Variants in CYREN observed in about 807,000 individuals in gnomAD.
CYREN encodes the protein cell cycle regulator of NHEJ, also known as cell cycle regulator of non-homologous end joining.
CYREN carries 7 observed loss-of-function variants against 9.7 expected under a neutral mutation model. That is an observed-to-expected ratio of 0.72 (90% CI 0.41 to 1.36). The LOEUF (loss-of-function observed/expected upper bound fraction) is 1.36, where lower values mean the gene tolerates loss of function less well. Among genes scored for constraint, CYREN ranks in the 40% most tolerant of loss-of-function variants. The probability of loss-of-function intolerance (pLI) is 0.01; values close to 1 mark genes in which losing one functional copy is unlikely to be tolerated. For synonymous variants in CYREN, 76 were observed against 77.9 expected, an observed-to-expected ratio of 0.98 and a Z score of 0.13; for missense variants, 215 against 198.1, an observed-to-expected ratio of 1.09 and a Z score of -0.51.
At chr7:135,141,555 G>A (rs773981267) in intron 2 of CYREN, among the ~76,000 whole-genome samples, 1 of 151,930 alleles carries the variant, frequency 6.6e-6, no homozygotes, top group African/African-American at 2.4e-5. Flanking sequence ...GTTTCATTCA[G>A]TTCAGCTCTG....
chr7:135,171,325 T>TG (rs1464855573), upstream of CYREN, among the ~76,000 whole-genome samples: 1 of 14,994 alleles, frequency 6.7e-5, no homozygotes, highest in Non-Finnish European at 6.5e-4. Flanking sequence ...TTTTTTTTTT[T>TG]TAAAAAAAAA....
At chr7:135,167,047 C>G (rs1026204704) in intron 3 of CYREN, 176 bp from the exon 4 acceptor site, 28 of 985,070 alleles carry the variant, frequency 2.8e-5, no homozygotes, top group Middle Eastern at 1.0e-3. Context: ...TTCCCCTGAC[C>G]CCCTCTTCAC....
chr7:135,098,641 G>A (rs1400360373), intron 2 of CYREN, among the ~76,000 whole-genome samples: 1 of 152,148 alleles, frequency 6.6e-6, no homozygotes, highest in Non-Finnish European at 1.5e-5. Flanking sequence ...GATAAGAGCA[G>A]ATCTGAAAGT....
chr7:135,095,769 A>C (rs1261419715), intron 2 of CYREN, among the ~76,000 whole-genome samples: 1 of 152,160 alleles, frequency 6.6e-6, no homozygotes, highest in African/African-American at 2.4e-5. Context: ...TTTGCTGCTC[A>C]CAATAATGGA....
rs1357964216 is a variant in CYREN at position 135,169,082 on chromosome 7, G to A, written c.-138-22C>T. On this transcript the variant is annotated intron_variant, in intron 1 of 3. Coordinates refer to ENST00000393114, the MANE Select transcript of CYREN (RefSeq NM_024033.4). The stretch of plus-strand genomic sequence containing the variant: ...ATTCCTACAAAGAACAATAAAGTCC[G>A]GTGAATTCCCATACCTCCAGTCATC... 7 of 710,608 alleles carry A rather than the reference G, an allele frequency of 9.9e-6. No individual in the cohort carries two copies. The East Asian group carries it at 2.0e-4, about 21-fold the overall frequency. The allele number at this position is 710,608 out of a possible 1,614,324, so 44.0% of individuals were successfully genotyped here.
chr7:135,094,485 T>A, exon 3 of CYREN: 1 of 456,724 alleles, frequency 2.2e-6, no homozygotes, highest in Non-Finnish European at 4.4e-6. Context: ...GAGAAACTCC[T>A]GGTGGCCATA....
At chr7:135,146,844 G>A (rs897932546) in intron 2 of CYREN, among the ~76,000 whole-genome samples, 1 of 152,140 alleles carries the variant, frequency 6.6e-6, no homozygotes, top group Admixed American at 6.5e-5. Context: ...TGGGACTGCC[G>A]ATTTTCGTAA....
At chr7:135,129,266 T>C in intron 2 of CYREN, 4 of 1,527,092 alleles carry the variant, frequency 2.6e-6, no homozygotes, top group Non-Finnish European at 2.7e-6. Context: ...CCAGCTGCAA[T>C]TTTGCCTTCT....
In CYREN at chr7:135,169,330, G is replaced by A. The variant is rs752077269; in HGVS notation, c.-138-270C>T. On this transcript the variant is annotated intron_variant, in intron 1 of 3. Coordinates refer to ENST00000393114, the MANE Select transcript of CYREN (RefSeq NM_024033.4). ...CTGACTGACTCAGCACAGGAGGAAC[G>A]GAAGGAGGCGGAGGCCCCTAATGTT... is the stretch of plus-strand genomic sequence containing the variant. 1.3e-5 allele frequency: 2 copies of A among 155,384 alleles called. 1 individual carries two copies. Among genetic ancestry groups the A allele is most frequent in the African/African-American group, 4.8e-5 (2 of 41,674 alleles). The allele number at this position is 155,384 out of a possible 1,614,324, so 9.6% of individuals were successfully genotyped here.
upstream of CYREN, among the ~76,000 whole-genome samples, chr7:135,171,238 A>C (rs1288021558): frequency 6.6e-6 from 1 of 152,226 alleles, no homozygotes; most frequent in Non-Finnish European, 1.5e-5. Context: ...GGCTAGAAAG[A>C]ATTTCAGCCC....
intron 2 of CYREN, among the ~76,000 whole-genome samples, chr7:135,143,723 G>T (rs908201805): frequency 2.0e-5 from 3 of 152,154 alleles, no homozygotes; most frequent in Admixed American, 6.5e-5. Flanking sequence ...ACTCCCCAGT[G>T]GTGGGCAGGG....
At chr7:135,141,758 C>T (rs928862449) in intron 2 of CYREN, among the ~76,000 whole-genome samples, 6 of 152,072 alleles carry the variant, frequency 3.9e-5, no homozygotes, top group African/African-American at 1.4e-4. Flanking sequence ...TATTTGTTTT[C>T]ATTAGTTTCA....
At chr7:135,101,316 A>G in intron 2 of CYREN, 1 of 453,166 alleles carries the variant, frequency 2.2e-6, no homozygotes, top group South Asian at 1.6e-5. Flanking sequence ...TTTCATGCAT[A>G]CAAAGATGGT....
At chr7:135,170,135 T>G (rs1024628352) in intron 1 of CYREN, 2 of 152,298 alleles carry the variant, frequency 1.3e-5, no homozygotes, top group Admixed American at 6.5e-5. Flanking sequence ...ACAGAAAAGT[T>G]TGAAATCAGC....
At position 135,115,456 on chromosome 7, in the gene CYREN, A is replaced by G. The variant is rs1339372731; in HGVS notation, n.357-20874T>C. The G allele has an allele frequency of 2.1e-5, 33 of 1,551,350 alleles. No individual in the cohort carries two copies. In the Admixed American group the frequency reaches 6.5e-4, roughly 30 times the overall value. On this transcript the variant is annotated intron_variant and non_coding_transcript_variant, in intron 2 of 2. Coordinates refer to the CYREN transcript ENST00000459937. ...GCAAGAAGACTGGCATAAATTGGACAGATGATGAAAAAAGAAGCTACAAGG... is the reference window on the plus strand; with the variant it reads ...GCAAGAAGACTGGCATAAATTGGACGGATGATGAAAAAAGAAGCTACAAGG...
chr7:135,124,687 T>C (rs1378226909), intron 2 of CYREN, among the ~76,000 whole-genome samples: 2 of 152,178 alleles, frequency 1.3e-5, no homozygotes, highest in African/African-American at 4.8e-5. Context: ...ACTGAAATCA[T>C]AGCAAACAGT....
At chr7:135,120,837 A>C (rs1827034330) in intron 2 of CYREN, among the ~76,000 whole-genome samples, 1 of 152,196 alleles carries the variant, frequency 6.6e-6, no homozygotes, top group Admixed American at 6.5e-5. Context: ...GAAAATTATC[A>C]AAGAGGGGCA....
chr7:135,144,034 C>G lies in CYREN; in HGVS notation n.356+24715G>C, dbSNP rs1426032686. The stretch of plus-strand genomic sequence containing the variant: ...TCCCCTAGGAGGAGAAGGCTGCCAG[C>G]GTTTCTCATCTCCCTACCGCTGTGA... On this transcript the variant is annotated intron_variant and non_coding_transcript_variant, in intron 2 of 2. Coordinates refer to the CYREN transcript ENST00000459937. Among the ~76,000 whole-genome samples the G allele has an allele frequency of 2.0e-5, 3 of 152,224 alleles. No individual in the cohort carries two copies. The East Asian group carries it at 5.8e-4, about 29-fold the overall frequency.
At chr7:135,121,376 C>T (rs62479724) in intron 2 of CYREN, among the ~76,000 whole-genome samples, 1 of 152,118 alleles carries the variant, frequency 6.6e-6, no homozygotes, top group Admixed American at 6.5e-5. Flanking sequence ...AGGAGCACTT[C>T]ATCCAACAAC....
Sources: allele counts gnomAD v4.1 joint callset (sites outside exome capture counted in the v4.1 genomes callset), GRCh38; gene constraint gnomAD v4.1.1; transcripts MANE v1.5; gene names NCBI Gene and HGNC (gene_info 2026-07-23, HGNC 2026-07-21).